The following DCC variants were observed in gnomAD, a reference collection of about 807,000 sequenced individuals.
DCC encodes DCC netrin 1 receptor.
In DCC, 58 loss-of-function variants were observed where a neutral mutation model predicts 172.5. The observed-to-expected ratio is 0.34, with a 90% CI of 0.27 to 0.42. The LOEUF is 0.42. Among genes scored for constraint, DCC ranks in the 10% least tolerant of loss-of-function variants. The pLI is 1.00. For missense variants in DCC, 1,740 were observed against 1,791.0 expected, an observed-to-expected ratio of 0.97 and a Z score of 0.51; for synonymous variants, 709 against 644.5, an observed-to-expected ratio of 1.10 and a Z score of -1.52.
intron 5 of DCC, among the ~76,000 whole-genome samples, chr18:53,026,803 TC>T (rs2143942373): frequency 6.6e-6 from 1 of 152,178 alleles, no homozygotes; most frequent in South Asian, 2.1e-4. Flanking sequence ...CCTCAAGAGA[TC>T]CTCCTACCTT....
intron 27 of DCC, among the ~76,000 whole-genome samples, chr18:53,502,051 C>T (rs1024067824): frequency 1.3e-5 from 2 of 152,128 alleles, no homozygotes; most frequent in African/African-American, 4.8e-5. Flanking sequence ...AAGAACCATT[C>T]TCTGATCTAA....
intron 1 of DCC, among the ~76,000 whole-genome samples, chr18:52,474,232 G>GAGAGAT (rs1989029163): frequency 1.5e-5 from 2 of 131,596 alleles, no homozygotes; most frequent in Admixed American, 7.8e-5. Flanking sequence ...GAGAGAGAGA[G>GAGAGAT]AGAGAGAGAG....
intron 21 of DCC, among the ~76,000 whole-genome samples, chr18:53,432,349 T>G (rs898171490): frequency 1.3e-5 from 2 of 152,188 alleles, no homozygotes; most frequent in Non-Finnish European, 2.9e-5. Context: ...TATCTTTTTA[T>G]ACTACTCCTT....
At chr18:53,482,564 T>C (rs896032597) in intron 25 of DCC, among the ~76,000 whole-genome samples, 6 of 152,100 alleles carry the variant, frequency 3.9e-5, no homozygotes, top group Non-Finnish European at 7.4e-5. Flanking sequence ...AATCAGAAGA[T>C]ACGTATGAAA....
chr18:52,998,984 ACAAAT>A (rs971325840), intron 5 of DCC, among the ~76,000 whole-genome samples: 1 of 152,078 alleles, frequency 6.6e-6, no homozygotes, highest in Non-Finnish European at 1.5e-5. Context: ...GGGAGTGTGG[ACAAAT>A]CACACTAATT....
intron 7 of DCC, among the ~76,000 whole-genome samples, chr18:53,113,848 C>T (rs1341291636): frequency 1.3e-5 from 2 of 151,334 alleles, no homozygotes; most frequent in Non-Finnish European, 3.0e-5. Flanking sequence ...CAGAACCATA[C>T]TGCTTCACTT....
chr18:53,476,642 G>A (rs1434546595), intron 25 of DCC, among the ~76,000 whole-genome samples: 1 of 151,952 alleles, frequency 6.6e-6, no homozygotes, highest in Non-Finnish European at 1.5e-5. Context: ...TGCAGTCTTG[G>A]GTATGTCTTT....
At position 53,402,879 on chromosome 18, in the gene DCC, A is replaced by G. The variant is rs1218525396; in HGVS notation, c.2921A>G (p.Asn974Ser). ...AGTTGGCAGCCTCCCTTGGAAGCCA[A>G]TGGGAAAATTACTGGTAAGCATCTC... ...IVSWQPPLEANGKITAYILFY... is the reference protein window; with the variant it reads ...IVSWQPPLEASGKITAYILFY... The change falls in exon 19 of 29, where the codon AAT (asparagine) becomes AGT (serine). Residue 974 changes from asparagine to serine, a missense_variant. This residue lies in a region of DCC where 1,732 missense variants were observed against 1,767.4 expected (regional missense o/e 0.98). Transcript: ENST00000442544. 3 of 1,612,786 alleles carry G rather than the reference A, an allele frequency of 1.9e-6. No homozygotes were observed. The highest frequency in any genetic ancestry group is 1.3e-5 in the African/African-American group (1 of 74,890).
intron 1 of DCC, among the ~76,000 whole-genome samples, chr18:52,461,047 CTGTT>C (rs913130169): frequency 7.9e-5 from 12 of 152,140 alleles, no homozygotes; most frequent in East Asian, 1.9e-4. Context: ...AACTTTTTGA[CTGTT>C]TGTAGTAACA....
chr18:52,551,750 A>T (rs1006739000), intron 1 of DCC, among the ~76,000 whole-genome samples: 4 of 147,616 alleles, frequency 2.7e-5, no homozygotes, highest in African/African-American at 7.7e-5. Flanking sequence ...ACACACACAC[A>T]CACACACACA....
chr18:52,787,461 C>T (rs980241996), intron 2 of DCC, among the ~76,000 whole-genome samples: 1 of 152,082 alleles, frequency 6.6e-6, no homozygotes, highest in Non-Finnish European at 1.5e-5. Flanking sequence ...CCATGGTTTA[C>T]AATAATTTTA....
chr18:52,873,772 T>C (rs1224931641), intron 2 of DCC, among the ~76,000 whole-genome samples: 1 of 152,134 alleles, frequency 6.6e-6, no homozygotes, highest in Non-Finnish European at 1.5e-5. Context: ...ATGGATGATA[T>C]TGATATGAAT....
chr18:52,971,923 T>C (rs2041036798), intron 5 of DCC, among the ~76,000 whole-genome samples: 1 of 152,152 alleles, frequency 6.6e-6, no homozygotes, highest in Non-Finnish European at 1.5e-5. Flanking sequence ...GAGGCATGAA[T>C]TCATCAAGCA....
intron 2 of DCC, among the ~76,000 whole-genome samples, chr18:52,894,217 AT>A (rs2039694109): frequency 6.6e-6 from 1 of 151,926 alleles, no homozygotes; most frequent in African/African-American, 2.4e-5. Context: ...AGCATCTTTC[AT>A]TTTTGTCACA....
At chr18:53,204,083 G>A (rs1269580268) in intron 9 of DCC, among the ~76,000 whole-genome samples, 2 of 138,578 alleles carry the variant, frequency 1.4e-5, no homozygotes, top group East Asian at 4.0e-4. Flanking sequence ...AGTTACATTT[G>A]ATTAACAATG....
chr18:52,634,155 G>A (rs1287524649), intron 1 of DCC, among the ~76,000 whole-genome samples: 1 of 152,250 alleles, frequency 6.6e-6, no homozygotes, highest in African/African-American at 2.4e-5. Flanking sequence ...AATCTGAGCA[G>A]TCAGTGAACT....
At chr18:53,128,418 G>A in intron 7 of DCC, among the ~76,000 whole-genome samples, 1 of 152,072 alleles carries the variant, frequency 6.6e-6, no homozygotes, top group East Asian at 1.9e-4. Flanking sequence ...TGGTAATGCT[G>A]AGAGATTTTA....
At chr18:53,204,056 C>A (rs913857130) in intron 9 of DCC, among the ~76,000 whole-genome samples, 9 of 140,338 alleles carry the variant, frequency 6.4e-5, no homozygotes, top group African/African-American at 2.6e-4. Flanking sequence ...ATATCATATG[C>A]TTTACTGCAA....
chr18:53,021,120 G>A (rs1312496368), intron 5 of DCC, among the ~76,000 whole-genome samples: 1 of 151,970 alleles, frequency 6.6e-6, no homozygotes, highest in Admixed American at 6.6e-5. Flanking sequence ...AAGGGCACTT[G>A]CTGAGACAGT....
Sources: allele counts gnomAD v4.1 joint callset (sites outside exome capture counted in the v4.1 genomes callset), GRCh38; gene constraint gnomAD v4.1.1; regional missense constraint gnomAD v4.1.1; transcripts MANE v1.5; gene names NCBI Gene and HGNC (gene_info 2026-07-23, HGNC 2026-07-21).